The following ARHGAP20 variants were observed in gnomAD, a reference collection of about 807,000 sequenced individuals.
The protein encoded by ARHGAP20 is Rho GTPase activating protein 20.
A neutral mutation model predicts 73.7 loss-of-function variants in ARHGAP20; 34 were observed. That is an observed-to-expected ratio of 0.46 (90% CI 0.35 to 0.61). ARHGAP20 has a LOEUF of 0.61. ARHGAP20 is among the 20% of genes least tolerant of loss of function. The pLI is 0.00. For synonymous variants in ARHGAP20, 523 were observed against 518.2 expected, an observed-to-expected ratio of 1.01 and a Z score of -0.13; for missense variants, 1,314 against 1,420.9, an observed-to-expected ratio of 0.92 and a Z score of 1.21.
intron 9 of ARHGAP20, among the ~76,000 whole-genome samples, chr11:110,605,350 T>C (rs1377632039): frequency 6.6e-6 from 1 of 152,154 alleles, no homozygotes; most frequent in African/African-American, 2.4e-5. Flanking sequence ...AAATCTTGAA[T>C]CAAAGGGGCG....
chr11:110,633,514 CTA>C (rs980025692), intron 2 of ARHGAP20, among the ~76,000 whole-genome samples: 5 of 152,086 alleles, frequency 3.3e-5, no homozygotes, highest in Non-Finnish European at 7.4e-5. Context: ...TTTTGCATTT[CTA>C]TGTGTTTTTT....
intron 4 of ARHGAP20, among the ~76,000 whole-genome samples, chr11:110,623,639 T>C (rs1948675331): frequency 6.6e-6 from 1 of 152,222 alleles, no homozygotes; most frequent in Non-Finnish European, 1.5e-5. Flanking sequence ...TATTTAAAAA[T>C]TCAGGAGTAT....
intron 5 of ARHGAP20, among the ~76,000 whole-genome samples, chr11:110,614,954 A>G (rs1327477797): frequency 1.3e-5 from 2 of 152,204 alleles, no homozygotes; most frequent in African/African-American, 4.8e-5. Flanking sequence ...CCAACACCTT[A>G]CTGATAAGTA....
intron 4 of ARHGAP20, among the ~76,000 whole-genome samples, chr11:110,621,089 A>AG (rs1198317291): frequency 6.6e-6 from 1 of 150,872 alleles, no homozygotes; most frequent in Admixed American, 6.6e-5. Flanking sequence ...AAAAAAAAAA[A>AG]AAAAAAAAGC....
intron 2 of ARHGAP20, among the ~76,000 whole-genome samples, chr11:110,680,487 G>A (rs990718844): frequency 1.3e-5 from 2 of 152,170 alleles, no homozygotes; most frequent in African/African-American, 4.8e-5. Context: ...TAGTAAGGAT[G>A]TCGTAGGACA....
At chr11:110,661,611 T>G (rs1013321617) in intron 2 of ARHGAP20, among the ~76,000 whole-genome samples, 2 of 152,164 alleles carry the variant, frequency 1.3e-5, no homozygotes, top group African/African-American at 4.8e-5. Context: ...TTCTTATTTT[T>G]ATATCATGAA....
At chr11:110,649,499 A>G (rs1205891047) in intron 2 of ARHGAP20, among the ~76,000 whole-genome samples, 2 of 152,124 alleles carry the variant, frequency 1.3e-5, no homozygotes, top group African/African-American at 4.8e-5. Flanking sequence ...GTATCATAGA[A>G]AAGAAGTATA....
intron 1 of ARHGAP20, among the ~76,000 whole-genome samples, chr11:110,701,166 C>A (rs1228664193): frequency 6.6e-6 from 1 of 151,644 alleles, no homozygotes; most frequent in Non-Finnish European, 1.5e-5. Context: ...AATCGCCACA[C>A]TGACTTCCAC....
chr11:110,624,356 T>C, intron 3 of ARHGAP20, 45 bp from the exon 4 acceptor site: 2 of 1,447,242 alleles, frequency 1.4e-6, no homozygotes, highest in Non-Finnish European at 9.2e-7. Flanking sequence ...ATTTTGTTTC[T>C]TAAATTTTAT....
chr11:110,578,586 T>A lies in ARHGAP20; in HGVS notation c.*784A>T. On this transcript the variant is annotated 3_prime_UTR_variant, in exon 15 of 15. Coordinates refer to ENST00000683387, the MANE Select transcript of ARHGAP20 (RefSeq NM_001384657.1). ...AAGAAGTTGCATTTCTGAAGAATGT[T>A]CCTAGGCAGAGATACCTTTGAAAGG... 1 of 985,432 alleles carries A rather than the reference T, an allele frequency of 1.0e-6. No individual in the cohort carries two copies. Among genetic ancestry groups the A allele is most frequent in the African/African-American group, 1.7e-5 (1 of 57,354 alleles). 61.0% of individuals were successfully genotyped at this position (985,432 alleles called of 1,614,324 possible). A position where few individuals can be genotyped will look rare whatever the true frequency, so the allele number is the denominator to read the frequency against.
intron 1 of ARHGAP20, chr11:110,711,643 A>C (rs1399465880): frequency 1.4e-6 from 2 of 1,477,622 alleles, no homozygotes; most frequent in Non-Finnish European, 1.8e-6. Flanking sequence ...CCAGCGCCGC[A>C]GCCCCGCTGC....
At chr11:110,647,639 T>C (rs1022780898) in intron 2 of ARHGAP20, among the ~76,000 whole-genome samples, 6 of 152,116 alleles carry the variant, frequency 3.9e-5, no homozygotes, top group Non-Finnish European at 8.8e-5. Context: ...TACTCAATTT[T>C]TGGAAAAAAA....
chr11:110,674,206 T>A (rs1949886037), intron 2 of ARHGAP20, among the ~76,000 whole-genome samples: 1 of 152,188 alleles, frequency 6.6e-6, no homozygotes, highest in African/African-American at 2.4e-5. Context: ...AGTGCTGGGA[T>A]TACAGGCGTG....
chr11:110,661,568 A>C (rs1285512580), intron 2 of ARHGAP20, among the ~76,000 whole-genome samples: 6 of 151,596 alleles, frequency 4.0e-5, no homozygotes, highest in Middle Eastern at 7.0e-3. Flanking sequence ...TTTTATATAA[A>C]GAACATTTTT....
At chr11:110,604,761 G>A (rs326941) in intron 9 of ARHGAP20, among the ~76,000 whole-genome samples, 50,111 of 151,922 alleles carry the variant, frequency 0.33, 10,527 homozygotes, top group African/African-American at 0.6. Context: ...GTAAATTTGT[G>A]TATCTGATGT....
chr11:110,603,193 A>G (rs1948148923), intron 9 of ARHGAP20, among the ~76,000 whole-genome samples: 1 of 152,190 alleles, frequency 6.6e-6, no homozygotes, highest in African/African-American at 2.4e-5. Context: ...TTAAAAATAG[A>G]GGCTAAAGGT....
rs577169347 is a variant in ARHGAP20 at position 110,638,131 on chromosome 11, T to C, written c.189-7339A>G. Among the ~76,000 whole-genome samples, 68 of 152,096 alleles carry C rather than the reference T, an allele frequency of 4.5e-4. 1 individual carries two copies. The Middle Eastern group carries it at 0.01, about 23-fold the overall frequency. ...CAAAATGCTCCAGAATCCTAAAATT[T>C]TTGAGCACCACTATGACACCATAAG... On this transcript the variant is annotated intron_variant, in intron 2 of 14. Transcript: ENST00000683387.
intron 11 of ARHGAP20, among the ~76,000 whole-genome samples, chr11:110,589,909 T>A (rs1437217729): frequency 6.6e-6 from 1 of 152,088 alleles, no homozygotes; most frequent in Non-Finnish European, 1.5e-5. Context: ...TCACCTGAGG[T>A]CAGGAATTAG....
chr11:110,600,049 T>C (rs1346184246), intron 9 of ARHGAP20, among the ~76,000 whole-genome samples: 2 of 152,226 alleles, frequency 1.3e-5, no homozygotes, highest in Non-Finnish European at 2.9e-5. Context: ...TGAGCTGTTA[T>C]ATTGCTCAAT....
Sources: gnomAD v4.1 joint callset for allele counts (sites outside exome capture counted in the v4.1 genomes callset) on GRCh38, gnomAD v4.1.1 for gene constraint, MANE v1.5 for transcripts, NCBI Gene and HGNC (gene_info 2026-07-23, HGNC 2026-07-21) for gene names.